MAP4K5: variants seen among roughly 807,000 people sequenced by gnomAD.
MAP4K5 encodes MAPK/ERK kinase kinase kinase 5.
Under a neutral mutation model 135.6 loss-of-function variants are expected in MAP4K5, and 82 were observed. The ratio of observed to expected loss-of-function variants is 0.60; its 90% confidence interval spans 0.51 to 0.73. The LOEUF (loss-of-function observed/expected upper bound fraction) is 0.73. MAP4K5 is among the 30% of genes least tolerant of loss of function. The pLI is 0.00. For synonymous variants in MAP4K5, 347 were observed against 335.0 expected, an observed-to-expected ratio of 1.04 and a Z score of -0.39; for missense variants, 907 against 1,010.9, an observed-to-expected ratio of 0.90 and a Z score of 1.39.
rs181641644 is a variant in MAP4K5 at position 50,462,254 on chromosome 14, T to C, written c.936+411A>G. Among the ~76,000 whole-genome samples the C allele has an allele frequency of 6.6e-5, 10 of 152,306 alleles. No homozygotes were observed. The East Asian group carries it at 1.9e-3, about 29-fold the overall frequency. On this transcript the variant is annotated intron_variant, in intron 13 of 32. Coordinates refer to ENST00000682126, the MANE Select transcript of MAP4K5 (RefSeq NM_006575.6). ...TCCTTGGAAACAGATGTTCTTTATA[T>C]ATATCCCACAGAATGATCAAACTCA...
chr14:50,535,903 C>T (rs2038485400), upstream of MAP4K5, among the ~76,000 whole-genome samples: 1 of 152,148 alleles, frequency 6.6e-6, no homozygotes, highest in African/African-American at 2.4e-5. Flanking sequence ...AAGTCTTTCC[C>T]ATGCTGTTTT....
chr14:50,492,517 C>T (rs1426951220), intron 3 of MAP4K5, among the ~76,000 whole-genome samples: 4 of 151,604 alleles, frequency 2.6e-5, no homozygotes, highest in Non-Finnish European at 5.9e-5. Context: ...TTACTTGAGC[C>T]CAGGAGTTCA....
intron 1 of MAP4K5, among the ~76,000 whole-genome samples, chr14:50,549,223 C>A (rs1443198696): frequency 6.6e-6 from 1 of 152,128 alleles, no homozygotes; most frequent in Admixed American, 6.5e-5. Flanking sequence ...AGCAAAGGCA[C>A]CCAACACCAA....
At chr14:50,496,936 ATC>A (rs2037607598) in intron 3 of MAP4K5, among the ~76,000 whole-genome samples, 1 of 152,230 alleles carries the variant, frequency 6.6e-6, no homozygotes, top group Non-Finnish European at 1.5e-5. Flanking sequence ...TAAAAATTAG[ATC>A]TCTTAATTAA....
At chr14:50,512,160 A>C (rs772342188) in intron 2 of MAP4K5, among the ~76,000 whole-genome samples, 2 of 152,168 alleles carry the variant, frequency 1.3e-5, no homozygotes, top group Non-Finnish European at 2.9e-5. Flanking sequence ...GGCTAAATGT[A>C]ATTCTATGTA....
chr14:50,466,068 G>A (rs1039151450), intron 11 of MAP4K5, among the ~76,000 whole-genome samples: 4 of 151,816 alleles, frequency 2.6e-5, no homozygotes, highest in East Asian at 3.9e-4. Flanking sequence ...GTGAGACTCC[G>A]TCTCCACAAA....
intron 3 of MAP4K5, among the ~76,000 whole-genome samples, chr14:50,492,491 G>A (rs1165042210): frequency 1.3e-5 from 2 of 151,800 alleles, no homozygotes; most frequent in African/African-American, 2.4e-5. Context: ...CTACTCAGGA[G>A]GCTGAGCTGG....
At chr14:50,533,883 T>C (rs921232204), upstream of MAP4K5, among the ~76,000 whole-genome samples, 1 of 152,256 alleles carries the variant, frequency 6.6e-6, no homozygotes, top group African/African-American at 2.4e-5. Context: ...ATGTATTTTC[T>C]TGTGCTCCAC....
intron 1 of MAP4K5, chr14:50,560,326 G>T: frequency 6.2e-7 from 1 of 1,612,684 alleles, no homozygotes; most frequent in Non-Finnish European, 8.5e-7. Context: ...AACTTCTGCA[G>T]CCTGCACGGG....
chr14:50,438,003 T>G lies in MAP4K5; in HGVS notation c.1714A>C (p.Thr572Pro), dbSNP rs1408250042. ...AGATTGTGAGAGTAGAGCTGAAAGG[T>G]TTTTCCTATAAAAGAAAAACATGTT... ...NTLMSLSEGK[T>P]FQLYSHNLIA... The change falls in exon 25 of 33, where the codon ACC becomes CCC. Residue 572 changes from threonine (T) to proline (P), a missense_variant. Transcript: ENST00000682126. The G allele has an allele frequency of 1.3e-6, 2 of 1,573,590 alleles. No individual in the cohort carries two copies. The highest frequency in any genetic ancestry group is 1.7e-6 in the Non-Finnish European group (2 of 1,144,496).
At chr14:50,490,043 T>G (rs1481346942) in intron 3 of MAP4K5, among the ~76,000 whole-genome samples, 1 of 151,690 alleles carries the variant, frequency 6.6e-6, no homozygotes, top group East Asian at 1.9e-4. Flanking sequence ...GACAGATGCT[T>G]ATTTCCTTGG....
In MAP4K5 at chr14:50,468,763, C is replaced by T; in HGVS notation, c.562G>A (p.Ala188Thr). Residue 188 changes from alanine (A) to threonine (T), a missense_variant, in exon 10 of 33, where the codon GCA (alanine) becomes ACA (threonine). Ala to Thr is a moderately conservative substitution (Grantham distance 58, BLOSUM62 0). This residue lies in a region of MAP4K5 where 690 missense variants were observed against 777.4 expected (regional missense o/e 0.89). Coordinates refer to ENST00000682126, the MANE Select transcript of MAP4K5 (RefSeq NM_006575.6). ...TTGTAGCCACCATTCTTCTCTACTGCTGCAACTTCTGGGGCCATCCTAGAA... is the reference window on the plus strand; with the variant it reads ...TTGTAGCCACCATTCTTCTCTACTGTTGCAACTTCTGGGGCCATCCTAGAA... ...TPYWMAPEVA[A>T]VEKNGGYNQL... 1 of 1,610,666 alleles carries T rather than the reference C, an allele frequency of 6.2e-7. No individual in the cohort carries two copies. Among genetic ancestry groups the T allele is most frequent in the Non-Finnish European group, 8.5e-7 (1 of 1,178,208 alleles).
chr14:50,551,057 C>CA (rs1287452416), intron 1 of MAP4K5, among the ~76,000 whole-genome samples: 3 of 150,740 alleles, frequency 2.0e-5, no homozygotes, highest in Non-Finnish European at 4.4e-5. Flanking sequence ...GAAATTGAAA[C>CA]AAAAAAAATT....
intron 1 of MAP4K5, among the ~76,000 whole-genome samples, chr14:50,547,336 T>A (rs1272994683): frequency 6.6e-6 from 1 of 151,984 alleles, no homozygotes; most frequent in African/African-American, 2.4e-5. Context: ...GAAAAAAAAA[T>A]GTTATAATAG....
At chr14:50,479,773 T>C (rs909965270) in intron 6 of MAP4K5, among the ~76,000 whole-genome samples, 1 of 152,174 alleles carries the variant, frequency 6.6e-6, no homozygotes, top group South Asian at 2.1e-4. Context: ...CTGTATATTT[T>C]TGAATTTTCA....
chr14:50,521,864 G>A (rs2038159981), intron 2 of MAP4K5, among the ~76,000 whole-genome samples: 1 of 152,110 alleles, frequency 6.6e-6, no homozygotes, highest in Admixed American at 6.6e-5. Flanking sequence ...TCACGTCACT[G>A]GAAAGCAATA....
At chr14:50,440,269 T>TA in intron 22 of MAP4K5, 93 bp downstream of exon 22, 1 of 853,234 alleles carries the variant, frequency 1.2e-6, no homozygotes, top group Non-Finnish European at 1.8e-6. Context: ...TCATAAAAAT[T>TA]AAAATTGGGG....
chr14:50,556,100 CT>C (rs1458817939), intron 1 of MAP4K5, among the ~76,000 whole-genome samples: 15 of 152,086 alleles, frequency 9.9e-5, no homozygotes, highest in African/African-American at 3.6e-4. Flanking sequence ...GGAGTAATAC[CT>C]TTTCTTCTTT....
At chr14:50,508,677 G>A (rs1360475575) in intron 2 of MAP4K5, among the ~76,000 whole-genome samples, 1 of 151,836 alleles carries the variant, frequency 6.6e-6, no homozygotes, top group Non-Finnish European at 1.5e-5. Flanking sequence ...TAACAAATCT[G>A]CATGTTGTGC....
Sources: gnomAD v4.1 joint callset for allele counts (sites outside exome capture counted in the v4.1 genomes callset) on GRCh38, gnomAD v4.1.1 for gene constraint, gnomAD v4.1.1 regional missense constraint, MANE v1.5 for transcripts, NCBI Gene and HGNC (gene_info 2026-07-23, HGNC 2026-07-21) for gene names.